TTN: variants seen among roughly 807,000 people sequenced by gnomAD.
TTN encodes titin.
A neutral mutation model predicts 3,223.0 loss-of-function variants in TTN; 1,525 were observed. That is an observed-to-expected ratio of 0.47 (90% CI 0.45 to 0.49). The LOEUF (loss-of-function observed/expected upper bound fraction) is 0.49. TTN is among the 20% of genes least tolerant of loss of function. The probability of loss-of-function intolerance (pLI) is 0.00; values close to 1 mark genes in which losing one functional copy is unlikely to be tolerated. For missense variants in TTN, 40,786 were observed against 43,424.0 expected, an observed-to-expected ratio of 0.94 and a Z score of 5.40; for synonymous variants, 14,094 against 15,161.0, an observed-to-expected ratio of 0.93 and a Z score of 5.17.
chr2:178,718,198 G>A lies in TTN; in HGVS notation c.24808C>T (p.Leu8270=). 1 of 1,602,886 alleles carries A rather than the reference G, an allele frequency of 6.2e-7. No individual in the cohort carries two copies. The highest frequency in any genetic ancestry group is 8.5e-7 in the Non-Finnish European group (1 of 1,178,034). ...VLEPPYFIEP[L]EHVEAVIGEP... ...CCAATGACTGCTTCCACATGTTCCAGAGGTTCAATAAAGTACGGTGGTTCT... is the reference window on the plus strand; with the variant it reads ...CCAATGACTGCTTCCACATGTTCCAAAGGTTCAATAAAGTACGGTGGTTCT... The change falls in exon 86 of 363, where the codon CTG becomes TTG. Residue 8270 remains leucine, a synonymous_variant. Coordinates refer to ENST00000589042, the MANE Select transcript of TTN (RefSeq NM_001267550.2).
At position 178,701,177 on chromosome 2, in the gene TTN, T is replaced by A. The variant is rs1184572213; in HGVS notation, c.30625A>T (p.Ile10209Phe). 2 of 1,613,468 alleles carry A rather than the reference T, an allele frequency of 1.2e-6. No individual in the cohort carries two copies. Among genetic ancestry groups the A allele is most frequent in the Non-Finnish European group, 1.7e-6 (2 of 1,179,690 alleles). The part of the protein sequence containing the change: ...EEIPPVVAPP[I>F]PLLLPTPEEK... The stretch of plus-strand genomic sequence containing the variant: ...TCGGGTGTTGGTAGCAAAAGGGGGA[T>A]AGGAGGAGCAACCACAGGAGGGATT... The change falls in exon 111 of 363, where the codon ATC becomes TTC. Residue 10209 changes from isoleucine to phenylalanine, a missense_variant. Ile to Phe is a conservative substitution (Grantham distance 21). Transcript: ENST00000589042.
rs773211607 is a variant in TTN at position 178,723,968 on chromosome 2, A to G, written c.21291T>C (p.Asn7097=). The G allele has an allele frequency of 6.2e-7, 1 of 1,613,498 alleles. No homozygotes were observed. Among genetic ancestry groups the G allele is most frequent in the African/African-American group, 1.3e-5 (1 of 74,910 alleles). ...GAKYQTTFSD[N]VCTLQLNSLD... ...GAGAATTCAACTGCAATGTGCAGAC[A>G]TTATCTGAAAATGTGGTTTGGTACT... Residue 7097 remains asparagine (N), a synonymous_variant, in exon 73 of 363, where the codon AAT becomes AAC. Transcript: ENST00000589042.
Position 178,614,706 on chromosome 2 carries a change from C to T in TTN, c.48808G>A (p.Val16270Ile), listed in dbSNP as rs533178407. The T allele has an allele frequency of 1.3e-5, 21 of 1,611,862 alleles. No homozygotes were observed. In the South Asian group the frequency reaches 1.9e-4, roughly 14 times the overall value. ...LDVKLLAGLT[V>I]KAGTKIELPA... is the part of the protein sequence containing the mutation. ...AGTTCAATCTTGGTCCCAGCTTTTA[C>T]AGTGAGACCAGCAAGGAGCTTCACA... is the stretch of plus-strand genomic sequence containing the variant. Residue 16270 changes from valine (V) to isoleucine (I), a missense_variant, in exon 261 of 363, where the codon GTA becomes ATA. Coordinates refer to ENST00000589042, the MANE Select transcript of TTN (RefSeq NM_001267550.2).
chr2:178,546,599 C>T lies in TTN; in HGVS notation c.94828+1G>A, dbSNP rs1204797105. 1 of 1,606,424 alleles carries T rather than the reference C, an allele frequency of 6.2e-7. No homozygotes were observed. The highest frequency in any genetic ancestry group is 8.5e-7 in the Non-Finnish European group (1 of 1,174,130). ...AAAGGAGAATGTTGACTATTTCCTA[C>T]CGTATTCATCTCGGCAAGTGACAGG... On this transcript the variant is annotated splice_donor_variant, in intron 341 of 362. Transcript: ENST00000589042. LOFTEE classifies it high-confidence loss of function.
chr2:178,648,181 T>C (rs141160110), intron 213 of TTN, among the ~76,000 whole-genome samples: 187 of 152,220 alleles, frequency 1.2e-3, no homozygotes, highest in African/African-American at 4.3e-3. Flanking sequence ...AGCTTCCTAT[T>C]GCCTACAGAA....
At chr2:178,719,914 G>T in intron 81 of TTN, 69 bp downstream of exon 81, 1 of 1,542,728 alleles carries the variant, frequency 6.5e-7, no homozygotes, top group South Asian at 1.3e-5. Flanking sequence ...TGGATAAGAG[G>T]AATATTTGAG....
At chr2:178,556,620 G>A (rs1701621643) in intron 330 of TTN, 1 of 554,678 alleles carries the variant, frequency 1.8e-6, no homozygotes, top group Non-Finnish European at 3.1e-6. Context: ...AAGTTGGAAA[G>A]GCCCATAGAT....
chr2:178,800,462 C>T lies in TTN; in HGVS notation c.516G>A (p.Gly172=), dbSNP rs747789397. ...TATTGGTGGCATTTACTGAATAGGT[C>T]CCTGAGTCCTCAGGGTATGCTTCTG... ...LIAEAYPEDS[G]TYSVNATNSV... is the part of the protein sequence containing the mutation. The change falls in exon 4 of 363, where the codon GGG becomes GGA. Residue 172 remains glycine (G), a synonymous_variant. Transcript: ENST00000589042. 5.6e-6 allele frequency: 9 copies of T among 1,614,020 alleles called. No individual in the cohort carries two copies. The highest frequency in any genetic ancestry group is 1.7e-5 in the Admixed American group (1 of 59,992).
intron 238 of TTN, 59 bp downstream of exon 238, chr2:178,630,745 T>A: frequency 6.4e-7 from 1 of 1,560,690 alleles, no homozygotes; most frequent in South Asian, 1.2e-5. Flanking sequence ...GACTTTCACC[T>A]GTTCTTTTCT....
chr2:178,629,215 A>C (rs2059467098), intron 240 of TTN, 86 bp downstream of exon 240: 1 of 1,491,664 alleles, frequency 6.7e-7, no homozygotes, highest in African/African-American at 1.4e-5. Flanking sequence ...GAGACATTAG[A>C]AAGAGCAAAG....
Position 178,554,971 on chromosome 2 carries a change from T to A in TTN, c.88488A>T (p.Ala29496=). Residue 29496 remains alanine (A), a synonymous_variant, in exon 331 of 363, where the codon GCA becomes GCT. Coordinates refer to ENST00000589042, the MANE Select transcript of TTN (RefSeq NM_001267550.2). The part of the protein sequence containing the change: ...LVCVENTTDL[A]SILIKDADRL... Reference sequence around the variant, plus strand: ...GATCGGCATCTTTGATGAGTATAGATGCGAGGTCCGTGGTATTTTCAACAC... The same window carrying A: ...GATCGGCATCTTTGATGAGTATAGAAGCGAGGTCCGTGGTATTTTCAACAC... 6.2e-7 allele frequency: 1 copy of A among 1,613,774 alleles called. No individual in the cohort carries two copies. Among genetic ancestry groups the A allele is most frequent in the Non-Finnish European group, 8.5e-7 (1 of 1,179,808 alleles).
At chr2:178,745,021 TCAAA>T in intron 47 of TTN, 1 of 986,362 alleles carries the variant, frequency 1.0e-6, no homozygotes. Flanking sequence ...GATTGAAATG[TCAAA>T]CAGATTATAG....
chr2:178,665,229 A>C, intron 165 of TTN, 148 bp downstream of exon 165: 1 of 817,702 alleles, frequency 1.2e-6, no homozygotes, highest in Non-Finnish European at 1.9e-6. Context: ...ATTTCTTTTT[A>C]GAGGAAACTT....
rs373750655 is a variant in TTN at position 178,728,377 on chromosome 2, A to G, written c.19447T>C (p.Phe6483Leu). The G allele has an allele frequency of 3.8e-5, 61 of 1,600,976 alleles. No homozygotes were observed. Among genetic ancestry groups the G allele is most frequent in the Non-Finnish European group, 5.0e-5 (59 of 1,174,442 alleles). ...TCCATTTTGGTTAATTTTTTGGTGA[A>G]TGATGGAGGAATATTTTGATCTGTC... The part of the protein sequence containing the change: ...RVLDQNIPPS[F>L]TKKLTKMDKV... The change falls in exon 67 of 363, where the codon TTC (phenylalanine) becomes CTC (leucine). Residue 6483 changes from phenylalanine (F) to leucine (L), a missense_variant. Phe to Leu is a conservative substitution (Grantham distance 22). Transcript: ENST00000589042.
rs1031291940 is a variant in TTN at position 178,651,689 on chromosome 2, T to A, written c.39440A>T (p.Lys13147Ile). 3 of 1,613,246 alleles carry A rather than the reference T, an allele frequency of 1.9e-6. No homozygotes were observed. Among genetic ancestry groups the A allele is most frequent in the Admixed American group, 1.7e-5 (1 of 59,890 alleles). The part of the protein sequence containing the change: ...EKKAPAVVAK[K>I]PELPPVKVPE... ...ACCTTTCACTGGTGGTAGTTCAGGT[T>A]TTTTGGCAACGACAGCAGGTGCTTT... Residue 13147 changes from lysine (K) to isoleucine (I), a missense_variant, in exon 206 of 363, where the codon AAA becomes ATA. By Grantham distance (102) the Lys-to-Ile change is moderately radical. Coordinates refer to ENST00000589042, the MANE Select transcript of TTN (RefSeq NM_001267550.2).
Position 178,562,283 on chromosome 2 carries a change from AGTT to A in TTN, c.83846_83848del (p.Gln27949del). ...ATCCCTTGCAATTACTGGCACTCCA[AGTT>A]GTCTTGGATCACTTCTTCCCTTTTC... On this transcript the variant is annotated inframe_deletion, in exon 326 of 363. Transcript: ENST00000589042. 2 of 1,613,452 alleles carry A rather than the reference AGTT, an allele frequency of 1.2e-6. No homozygotes were observed.
chr2:178,569,849 T>C lies in TTN; in HGVS notation c.76283A>G (p.Lys25428Arg), dbSNP rs1264945919. Reference protein sequence around the residue: ...TRSSVFLSWSKPIYDGGCEIQ... With the variant: ...TRSSVFLSWSRPIYDGGCEIQ... ...TTCACAGCCACCATCATATATTGGT[T>C]TGCTCCAAGAAAGGAATACTGAAGA... Residue 25428 changes from lysine (K) to arginine (R), a missense_variant, in exon 326 of 363, where the codon AAA (lysine) becomes AGA (arginine). Physicochemically the swap from Lys to Arg is conservative, Grantham distance 26. Coordinates refer to ENST00000589042, the MANE Select transcript of TTN (RefSeq NM_001267550.2). The C allele has an allele frequency of 6.2e-7, 1 of 1,613,498 alleles. No individual in the cohort carries two copies.
intron 239 of TTN, 66 bp from the exon 240 acceptor site, chr2:178,629,509 C>T (rs2059519965): frequency 2.5e-6 from 4 of 1,600,364 alleles, no homozygotes; most frequent in East Asian, 2.3e-5. Context: ...TAAATAGAGA[C>T]TTAGATATGA....
At position 178,720,582 on chromosome 2, in the gene TTN, C is replaced by T. The variant is rs763907919; in HGVS notation, c.23180G>A (p.Gly7727Glu). The T allele has an allele frequency of 1.2e-6, 2 of 1,613,228 alleles. No homozygotes were observed. Among genetic ancestry groups the T allele is most frequent in the Non-Finnish European group, 1.7e-6 (2 of 1,179,530 alleles). ...CCATACTACTTCAAATGGGGGAGTT[C>T]CCGAAATTTCACATTGGAGAATCAC... ...SDVILQCEISGTPPFEVVWVK... is the reference protein window; with the variant it reads ...SDVILQCEISETPPFEVVWVK... Residue 7727 changes from glycine (G) to glutamate (E), a missense_variant, in exon 80 of 363, where the codon GGA (glycine) becomes GAA (glutamate). Physicochemically the swap from Gly to Glu is moderately conservative, Grantham distance 98. Transcript: ENST00000589042.
Sources: gnomAD v4.1 joint callset for allele counts (sites outside exome capture counted in the v4.1 genomes callset) on GRCh38, gnomAD v4.1.1 for gene constraint, MANE v1.5 for transcripts, NCBI Gene and HGNC (gene_info 2026-07-23, HGNC 2026-07-21) for gene names.